TLL1: variants seen among roughly 807,000 people sequenced by gnomAD.
TLL1 encodes the protein tolloid like 1.
A neutral mutation model predicts 128.2 loss-of-function variants in TLL1; 49 were observed. The ratio of observed to expected loss-of-function variants is 0.38; its 90% CI spans 0.30 to 0.48. The LOEUF (loss-of-function observed/expected upper bound fraction) is 0.48. Among genes scored for constraint, TLL1 ranks in the 20% least tolerant of loss-of-function variants. The pLI, the probability that TLL1 is intolerant of heterozygous loss-of-function variation, is 0.96. For missense variants in TLL1, 1,123 were observed against 1,242.0 expected (o/e 0.90, Z 1.44); for synonymous variants, 454 against 418.8 (o/e 1.08, Z -1.03).
chr4:165,894,678 A>AT (rs1221462209), intron 1 of TLL1, among the ~76,000 whole-genome samples: 1 of 152,076 alleles, frequency 6.6e-6, no homozygotes, highest in Non-Finnish European at 1.5e-5. Context: ...AGACATTCGT[A>AT]TTTTTTCCTT....
At chr4:165,941,136 G>A (rs1166889285) in intron 1 of TLL1, among the ~76,000 whole-genome samples, 1 of 151,968 alleles carries the variant, frequency 6.6e-6, no homozygotes, top group African/African-American at 2.4e-5. Context: ...TGCCTTCTTG[G>A]TATGTAAGTT....
intron 9 of TLL1, among the ~76,000 whole-genome samples, chr4:166,030,270 A>T (rs940501404): frequency 1.3e-5 from 2 of 152,118 alleles, no homozygotes; most frequent in Non-Finnish European, 2.9e-5. Flanking sequence ...TAACTTGGGC[A>T]TCTTTTTGTA....
intron 1 of TLL1, among the ~76,000 whole-genome samples, chr4:165,902,707 T>C (rs1355961151): frequency 6.6e-6 from 1 of 152,168 alleles, no homozygotes; most frequent in Non-Finnish European, 1.5e-5. Flanking sequence ...CTGGAGCTAT[T>C]CCTATTAGGC....
intron 1 of TLL1, among the ~76,000 whole-genome samples, chr4:165,975,335 C>A (rs1215442107): frequency 4.2e-4 from 64 of 152,094 alleles, no homozygotes; most frequent in Non-Finnish European, 7.4e-5. Context: ...CCCCCTCCCC[C>A]ACGCCACCCA....
chr4:165,884,010 G>A (rs1360110692), intron 1 of TLL1, among the ~76,000 whole-genome samples: 1 of 152,186 alleles, frequency 6.6e-6, no homozygotes, highest in Non-Finnish European at 1.5e-5. Context: ...TCAATTTAAA[G>A]AGCTTAGATA....
chr4:165,986,165 A>G (rs1354409972), intron 1 of TLL1, among the ~76,000 whole-genome samples: 1 of 152,014 alleles, frequency 6.6e-6, no homozygotes, highest in Non-Finnish European at 1.5e-5. Context: ...CGAAAACAAA[A>G]TTCCAAAGTG....
chr4:166,047,476 C>A (rs898573734), intron 12 of TLL1, among the ~76,000 whole-genome samples: 3 of 148,448 alleles, frequency 2.0e-5, no homozygotes, highest in Admixed American at 1.3e-4. Flanking sequence ...ATTTATTATT[C>A]TTTATAGTAA....
At chr4:165,918,406 G>A (rs1048887900) in intron 1 of TLL1, among the ~76,000 whole-genome samples, 7 of 152,066 alleles carry the variant, frequency 4.6e-5, no homozygotes, top group South Asian at 2.1e-4. Context: ...CTTGCTGCAC[G>A]TTAAAATTAT....
At chr4:166,014,388 A>G (rs764653000) in intron 7 of TLL1, 48 bp from the exon 8 acceptor site, 2 of 1,610,054 alleles carry the variant, frequency 1.2e-6, no homozygotes, top group Non-Finnish European at 1.7e-6. Flanking sequence ...GGAATTCATG[A>G]GTTTTCATTT....
chr4:166,038,551 G>A (rs377654206), intron 9 of TLL1, among the ~76,000 whole-genome samples: 2 of 151,656 alleles, frequency 1.3e-5, no homozygotes, highest in African/African-American at 4.8e-5. Context: ...GCGTAAGTTT[G>A]GCTTTACTTT....
chr4:166,099,697 C>T (rs965572697), intron 20 of TLL1, among the ~76,000 whole-genome samples, 170 bp downstream of exon 20: 1 of 150,512 alleles, frequency 6.6e-6, no homozygotes, highest in Non-Finnish European at 1.5e-5. Context: ...CTACCCTTAT[C>T]ACTTCTCCAC....
intron 17 of TLL1, among the ~76,000 whole-genome samples, chr4:166,077,504 T>C (rs1351557977): frequency 2.6e-5 from 4 of 152,138 alleles, no homozygotes; most frequent in Non-Finnish European, 5.9e-5. Context: ...GTTTCCTTTA[T>C]AGGAAAAAAA....
At chr4:166,061,557 ATTAC>A (rs1405605500) in intron 15 of TLL1, among the ~76,000 whole-genome samples, 3 of 151,738 alleles carry the variant, frequency 2.0e-5, no homozygotes, top group Non-Finnish European at 4.4e-5. Flanking sequence ...TTTCCTTTTA[ATTAC>A]TTTTTTTCCT....
intron 6 of TLL1, among the ~76,000 whole-genome samples, chr4:166,005,348 T>C (rs1220227481): frequency 6.6e-6 from 1 of 151,798 alleles, no homozygotes; most frequent in African/African-American, 2.4e-5. Context: ...TTTCACTAAT[T>C]AGGGAAAAAC....
At chr4:166,075,916 T>C (rs1485226321) in intron 17 of TLL1, among the ~76,000 whole-genome samples, 1 of 152,198 alleles carries the variant, frequency 6.6e-6, no homozygotes, top group East Asian at 1.9e-4. Flanking sequence ...TTTTTTTCAT[T>C]GAGCTAATTA....
intron 15 of TLL1, among the ~76,000 whole-genome samples, chr4:166,060,452 A>C (rs549485765): frequency 3.9e-4 from 59 of 152,262 alleles, no homozygotes; most frequent in African/African-American, 1.1e-3. Flanking sequence ...TTGTTAAATA[A>C]CTATGGAGTA....
At chr4:165,945,545 T>G (rs189033738) in intron 1 of TLL1, among the ~76,000 whole-genome samples, 55 of 152,244 alleles carry the variant, frequency 3.6e-4, no homozygotes, top group African/African-American at 1.3e-3. Flanking sequence ...TACTTGTCAT[T>G]TTTTAAAATT....
intron 1 of TLL1, among the ~76,000 whole-genome samples, chr4:165,932,205 C>T (rs547190710): frequency 2.0e-5 from 3 of 152,162 alleles, no homozygotes; most frequent in Non-Finnish European, 4.4e-5. Context: ...GAGATTCACC[C>T]TATTCTGCTT....
At chr4:165,962,284 A>AAG (rs1735143901) in intron 1 of TLL1, among the ~76,000 whole-genome samples, 1 of 152,230 alleles carries the variant, frequency 6.6e-6, no homozygotes, top group Non-Finnish European at 1.5e-5. Context: ...CACTTCTCAA[A>AAG]AGAAGCCATA....
Sources: allele counts gnomAD v4.1 joint callset (sites outside exome capture counted in the v4.1 genomes callset), GRCh38; gene constraint gnomAD v4.1.1; transcripts MANE v1.5; gene names NCBI Gene and HGNC (gene_info 2026-07-23, HGNC 2026-07-21).